Variants in SLCO2B1 observed in about 807,000 individuals in gnomAD.
The protein encoded by SLCO2B1 is solute carrier organic anion transporter family member 2B1.
Under a neutral mutation model 67.3 loss-of-function variants are expected in SLCO2B1, and 41 were observed. That is an observed-to-expected ratio of 0.61 (90% CI 0.47 to 0.79). The LOEUF (loss-of-function observed/expected upper bound fraction) is 0.79. Ranked by LOEUF, SLCO2B1 falls within the 30% of genes least tolerant of loss-of-function variation. SLCO2B1 has a pLI of 0.00. For synonymous variants in SLCO2B1, 379 were observed against 381.4 expected (o/e 0.99, Z 0.07); for missense variants, 837 against 920.1 (o/e 0.91, Z 1.17).
chr11:75,184,199 C>T (rs935588806), intron 7 of SLCO2B1, among the ~76,000 whole-genome samples: 1 of 152,182 alleles, frequency 6.6e-6, no homozygotes, highest in East Asian at 1.9e-4. Flanking sequence ...ATCTCTTGCG[C>T]TCCTCTTGCA....
chr11:75,153,558 G>T (rs776232486), intron 1 of SLCO2B1, among the ~76,000 whole-genome samples: 10 of 152,200 alleles, frequency 6.6e-5, no homozygotes, highest in African/African-American at 2.2e-4. Context: ...CTTCCTCTCC[G>T]TGCCATTGCC....
chr11:75,191,940 G>A (rs1945028332), intron 8 of SLCO2B1, among the ~76,000 whole-genome samples: 1 of 152,182 alleles, frequency 6.6e-6, no homozygotes, highest in Non-Finnish European at 1.5e-5. Flanking sequence ...TAGCAGACTT[G>A]CAGTGGGGGC....
At position 75,204,548 on chromosome 11, in the gene SLCO2B1, C is replaced by A; in HGVS notation, c.2098C>A (p.Pro700Thr). 1 of 1,612,156 alleles carries A rather than the reference C, an allele frequency of 6.2e-7. No individual in the cohort carries two copies. The highest frequency in any genetic ancestry group is 8.5e-7 in the Non-Finnish European group (1 of 1,179,266). The part of the protein sequence containing the change: ...AVEQQLLVSG[P>T]GKKPEDSRV Reference sequence around the variant, plus strand: ...AGAGCAGCAATTGCTAGTGTCGGGGCCAGGGAAGAAGCCAGAGGATTCCCG... The same window carrying A: ...AGAGCAGCAATTGCTAGTGTCGGGGACAGGGAAGAAGCCAGAGGATTCCCG... Residue 700 changes from proline to threonine, a missense_variant, in exon 14 of 14, where the codon CCA (proline) becomes ACA (threonine). Pro to Thr is a conservative substitution (Grantham distance 38, BLOSUM62 -1). Transcript: ENST00000289575.
intron 8 of SLCO2B1, among the ~76,000 whole-genome samples, chr11:75,192,344 T>C (rs763607135): frequency 2.0e-5 from 3 of 152,178 alleles, no homozygotes; most frequent in Non-Finnish European, 2.9e-5. Context: ...CCCCTGATCT[T>C]TTAAAGAAGG....
chr11:75,196,719 C>T, intron 10 of SLCO2B1, 40 bp downstream of exon 10: 1 of 1,587,464 alleles, frequency 6.3e-7, no homozygotes. Context: ...CCCCTCAGGA[C>T]TCTGCCTGCC....
At chr11:75,186,590 C>T (rs1322837130) in intron 7 of SLCO2B1, among the ~76,000 whole-genome samples, 2 of 152,006 alleles carry the variant, frequency 1.3e-5, no homozygotes, top group African/African-American at 2.4e-5. Context: ...TGGGCTCAAG[C>T]GATCCTCCCA....
At chr11:75,180,709 C>T (rs1950082176) in intron 7 of SLCO2B1, among the ~76,000 whole-genome samples, 1 of 152,204 alleles carries the variant, frequency 6.6e-6, no homozygotes, top group South Asian at 2.1e-4. Flanking sequence ...ATTAGGCTAA[C>T]ATTTATTACT....
At chr11:75,184,184 G>A (rs375103982) in intron 7 of SLCO2B1, among the ~76,000 whole-genome samples, 9 of 152,264 alleles carry the variant, frequency 5.9e-5, no homozygotes, top group African/African-American at 2.2e-4. Context: ...CTTCTGGTTA[G>A]AACCATCTCT....
intron 7 of SLCO2B1, 101 bp from the exon 8 acceptor site, chr11:75,188,035 C>A (rs754125780): frequency 1.1e-5 from 8 of 717,194 alleles, no homozygotes; most frequent in African/African-American, 1.7e-5. Flanking sequence ...ACAGGGCTCT[C>A]ACCCTCTCCT....
intron 1 of SLCO2B1, among the ~76,000 whole-genome samples, chr11:75,160,869 A>G (rs1030836750): frequency 1.3e-5 from 2 of 152,178 alleles, no homozygotes; most frequent in African/African-American, 4.8e-5. Flanking sequence ...GCAAACCAAA[A>G]CCACACTGAG....
In SLCO2B1 at chr11:75,193,306, GGGCAT is replaced by G. The variant is rs1565547904; in HGVS notation, c.1168_1172del (p.Met390HisfsTer110). 1 of 1,613,984 alleles carries G rather than the reference GGGCAT, an allele frequency of 6.2e-7. No individual in the cohort carries two copies. Among genetic ancestry groups the G allele is most frequent in the South Asian group, 1.1e-5 (1 of 91,080 alleles). On this transcript the variant is annotated frameshift_variant, in exon 9 of 14. Coordinates refer to ENST00000289575, the MANE Select transcript of SLCO2B1 (RefSeq NM_007256.5). LOFTEE classifies it high-confidence loss of function. This position sits in a 1 kb window ranked among gnomAD's most constrained non-coding sequence, Gnocchi z 4.2. ...AGGTATGCTTGTCATCCATGGCTGC[GGGCAT>G]GGCCACCTTCCTGCCCAAGTTCCTG... is the stretch of plus-strand genomic sequence containing the variant.
chr11:75,153,434 C>T (rs1440465311), intron 1 of SLCO2B1, among the ~76,000 whole-genome samples: 2 of 152,170 alleles, frequency 1.3e-5, no homozygotes, highest in Admixed American at 1.3e-4. Flanking sequence ...AATGTCCTTC[C>T]CCTTTTCAAT....
At chr11:75,202,127 A>C (rs1047880777) in intron 11 of SLCO2B1, 1 of 152,132 alleles carries the variant, frequency 6.6e-6, no homozygotes, top group Non-Finnish European at 1.5e-5. Flanking sequence ...GATAATTTCC[A>C]TTTTCCTTCT....
rs973421809 is a variant in SLCO2B1, at chr11:75,173,915, G to A, written c.972+1346G>A. Among the ~76,000 whole-genome samples, 5 of 152,102 alleles carry A rather than the reference G, an allele frequency of 3.3e-5. No homozygotes were observed. In the South Asian group the frequency reaches 8.3e-4, roughly 25 times the overall value. On this transcript the variant is annotated intron_variant, in intron 7 of 13. Transcript: ENST00000289575. ...ACTCCCAGGTTCAAGCGATTCTTCC[G>A]CCTCAGCCTCCCAAATAGCTGGGAT...
intron 11 of SLCO2B1, chr11:75,202,474 T>C (rs1269887628): frequency 9.8e-6 from 2 of 204,760 alleles, no homozygotes; most frequent in East Asian, 2.2e-4. Context: ...GAGCCCGTAG[T>C]AAGCGCTCCA....
At chr11:75,168,017 C>T (rs2096934871) in intron 4 of SLCO2B1, among the ~76,000 whole-genome samples, 1 of 151,832 alleles carries the variant, frequency 6.6e-6, no homozygotes, top group Middle Eastern at 3.2e-3. Context: ...CCTCAGCCTC[C>T]TGAGTAGCTG....
At chr11:75,164,357 C>A (rs148968253) in intron 3 of SLCO2B1, among the ~76,000 whole-genome samples, 6 of 152,218 alleles carry the variant, frequency 3.9e-5, no homozygotes, top group African/African-American at 1.2e-4. Context: ...TCCCCATATC[C>A]ACCCACTCCC....
At chr11:75,182,046 C>T (rs1950097944) in intron 7 of SLCO2B1, among the ~76,000 whole-genome samples, 1 of 152,162 alleles carries the variant, frequency 6.6e-6, no homozygotes, top group South Asian at 2.1e-4. Flanking sequence ...TCTTTTGGCC[C>T]CAGCCCCTAC....
At chr11:75,173,811 T>A (rs1000614183) in intron 7 of SLCO2B1, among the ~76,000 whole-genome samples, 9 of 151,944 alleles carry the variant, frequency 5.9e-5, no homozygotes, top group African/African-American at 2.2e-4. Flanking sequence ...ATTTTTAAAG[T>A]TTATTTATTT....
Sources: gnomAD v4.1 joint callset for allele counts (sites outside exome capture counted in the v4.1 genomes callset) on GRCh38, gnomAD v4.1.1 for gene constraint, Gnocchi (gnomAD v3.1) non-coding constraint, MANE v1.5 for transcripts, NCBI Gene and HGNC (gene_info 2026-07-23, HGNC 2026-07-21) for gene names.